The following SUCLG2 variants were observed in gnomAD, a reference collection of about 807,000 sequenced individuals.
SUCLG2 encodes the protein succinate-CoA ligase GDP-forming subunit beta, also known as succinate--CoA ligase [GDP-forming] subunit beta, mitochondrial.
Under a neutral mutation model 47.9 loss-of-function variants are expected in SUCLG2, and 42 were observed. The observed-to-expected ratio is 0.88, with a 90% CI of 0.69 to 1.14. The LOEUF (loss-of-function observed/expected upper bound fraction) is 1.14. Ranked by LOEUF, SUCLG2 falls within the 50% of genes most tolerant of loss-of-function variation. The probability of loss-of-function intolerance (pLI) is 0.00; values close to 1 mark genes in which losing one functional copy is unlikely to be tolerated. For missense variants in SUCLG2, 571 were observed against 525.9 expected, an observed-to-expected ratio of 1.09 and a Z score of -0.84; for synonymous variants, 195 against 197.3, an observed-to-expected ratio of 0.99 and a Z score of 0.10.
At chr3:67,404,256 G>T (rs1243798691) in intron 9 of SUCLG2, among the ~76,000 whole-genome samples, 1 of 152,074 alleles carries the variant, frequency 6.6e-6, no homozygotes, top group African/African-American at 2.4e-5. Context: ...AGAAGTTATA[G>T]GAGGGGAACA....
chr3:67,411,492 T>C (rs1013532086), intron 9 of SUCLG2, among the ~76,000 whole-genome samples: 20 of 152,250 alleles, frequency 1.3e-4, no homozygotes, highest in African/African-American at 4.6e-4. Context: ...TGGATAAATA[T>C]CTGGCTGGAA....
At chr3:67,384,812 G>C (rs1702226977) in intron 10 of SUCLG2, among the ~76,000 whole-genome samples, 1 of 151,520 alleles carries the variant, frequency 6.6e-6, no homozygotes, top group East Asian at 1.9e-4. Flanking sequence ...CACTGAGCTG[G>C]GATATAGCCT....
chr3:67,619,568 C>G (rs1700696022), intron 1 of SUCLG2, among the ~76,000 whole-genome samples: 1 of 152,146 alleles, frequency 6.6e-6, no homozygotes, highest in Non-Finnish European at 1.5e-5. Flanking sequence ...ATATGAGGTT[C>G]ACTGGGAAAA....
At chr3:67,561,479 A>G (rs909227499) in intron 2 of SUCLG2, among the ~76,000 whole-genome samples, 3 of 152,228 alleles carry the variant, frequency 2.0e-5, no homozygotes, top group Non-Finnish European at 2.9e-5. Flanking sequence ...TGGCAAAATA[A>G]TAACAAAAAG....
chr3:67,420,645 T>C (rs1231450203), intron 9 of SUCLG2, among the ~76,000 whole-genome samples: 4 of 152,190 alleles, frequency 2.6e-5, no homozygotes, highest in African/African-American at 9.6e-5. Context: ...TCCACAACTA[T>C]CCTACAACAT....
chr3:67,636,804 CTTT>C (rs751775962), intron 1 of SUCLG2, among the ~76,000 whole-genome samples: 2 of 144,390 alleles, frequency 1.4e-5, no homozygotes. Context: ...CTGGCAGTAT[CTTT>C]TTTTTTTTTT....
intron 9 of SUCLG2, among the ~76,000 whole-genome samples, chr3:67,477,320 A>C (rs944108030): frequency 6.6e-6 from 1 of 152,014 alleles, no homozygotes; most frequent in Non-Finnish European, 1.5e-5. Context: ...TTTTCCCCTA[A>C]AGGCAAACTC....
chr3:67,513,200 T>G (rs1196212418), intron 6 of SUCLG2, among the ~76,000 whole-genome samples: 2 of 152,182 alleles, frequency 1.3e-5, no homozygotes. Context: ...CAAGGTTCAG[T>G]AAAGTTCCAT....
At chr3:67,401,550 A>G (rs1396328048) in intron 9 of SUCLG2, among the ~76,000 whole-genome samples, 1 of 148,592 alleles carries the variant, frequency 6.7e-6, no homozygotes, top group African/African-American at 2.5e-5. Context: ...GTTTGTACAT[A>G]TTCCATATTC....
chr3:67,442,219 C>G (rs983914437), intron 9 of SUCLG2, among the ~76,000 whole-genome samples: 1 of 151,828 alleles, frequency 6.6e-6, no homozygotes, highest in African/African-American at 2.4e-5. Context: ...ACCGTTTTAG[C>G]CGGGATGGTC....
rs149550354 is a variant in SUCLG2, at chr3:67,627,940, G to A, written c.85-18344C>T. Among the ~76,000 whole-genome samples the A allele has an allele frequency of 2.4e-4, 37 of 152,264 alleles. 1 individual carries two copies. The East Asian group carries it at 6.0e-3, about 25-fold the overall frequency. ...CTCTTCCTTTTATCTTGGGTTGGGGGTGGGGGACACTGCCTCCTGCAAGTT... is the reference window on the plus strand; with the variant it reads ...CTCTTCCTTTTATCTTGGGTTGGGGATGGGGGACACTGCCTCCTGCAAGTT... On this transcript the variant is annotated intron_variant, in intron 1 of 10. Transcript: ENST00000307227.
chr3:67,504,209 T>G (rs2107084932), intron 7 of SUCLG2, among the ~76,000 whole-genome samples: 1 of 151,952 alleles, frequency 6.6e-6, no homozygotes, highest in Admixed American at 6.6e-5. Flanking sequence ...TTTTAGAACT[T>G]TTTTTTAGTG....
At chr3:67,637,564 C>A (rs1197950391) in intron 1 of SUCLG2, among the ~76,000 whole-genome samples, 4 of 152,192 alleles carry the variant, frequency 2.6e-5, no homozygotes, top group Admixed American at 2.0e-4. Context: ...TGAGTGAAGT[C>A]TGTCACTGAA....
downstream of SUCLG2, among the ~76,000 whole-genome samples, chr3:67,371,716 T>C (rs758296761): frequency 9.9e-5 from 15 of 152,154 alleles, no homozygotes; most frequent in Non-Finnish European, 1.2e-4. Context: ...TGTCTTTGCC[T>C]CCAACATCCT....
intron 2 of SUCLG2, among the ~76,000 whole-genome samples, chr3:67,535,963 C>A (rs1706530167): frequency 6.6e-6 from 1 of 152,338 alleles, no homozygotes; most frequent in Non-Finnish European, 1.5e-5. Flanking sequence ...TAACATCTGA[C>A]AGCAGAGCCC....
At chr3:67,483,611 C>A (rs901006603) in intron 9 of SUCLG2, among the ~76,000 whole-genome samples, 1 of 152,200 alleles carries the variant, frequency 6.6e-6, no homozygotes, top group African/African-American at 2.4e-5. Flanking sequence ...GTGAACAAGA[C>A]GAGATGTATT....
intron 9 of SUCLG2, among the ~76,000 whole-genome samples, chr3:67,411,529 T>C (rs1702933491): frequency 6.6e-6 from 1 of 152,292 alleles, no homozygotes; most frequent in Non-Finnish European, 1.5e-5. Flanking sequence ...ATTCCAGCTA[T>C]GATTTCAGTG....
chr3:67,585,981 AAAAAAAAAAAC>A (rs1196967670), intron 2 of SUCLG2, among the ~76,000 whole-genome samples: 5 of 48,454 alleles, frequency 1.0e-4, no homozygotes, highest in South Asian at 6.5e-4. Flanking sequence ...AAAAAAAAAA[AAAAAAAAAAAC>A]CAAACCCACA....
intron 2 of SUCLG2, among the ~76,000 whole-genome samples, chr3:67,582,869 A>C (rs2253041): frequency 0.94 from 142,700 of 151,782 alleles, 67,698 homozygotes; most frequent in Non-Finnish European, 1. Flanking sequence ...CCCCTCCCCC[A>C]CCAAAAAAAA....
Sources: allele counts gnomAD v4.1 joint callset (sites outside exome capture counted in the v4.1 genomes callset), GRCh38; gene constraint gnomAD v4.1.1; transcripts MANE v1.5; gene names NCBI Gene and HGNC (gene_info 2026-07-23, HGNC 2026-07-21).